Variants in OSBPL10 observed in about 807,000 individuals in gnomAD.
The protein encoded by OSBPL10 is oxysterol-binding protein-related protein 10.
A neutral mutation model predicts 81.7 loss-of-function variants in OSBPL10; 49 were observed. The observed-to-expected ratio is 0.60, with a 90% CI of 0.48 to 0.76. OSBPL10 has a LOEUF of 0.76. OSBPL10 is among the 30% of genes least tolerant of loss of function. The pLI is 0.00. For synonymous variants in OSBPL10, 419 were observed against 383.6 expected (o/e 1.09, Z -1.08); for missense variants, 923 against 987.8 (o/e 0.93, Z 0.88).
intron 1 of OSBPL10, among the ~76,000 whole-genome samples, chr3:31,911,201 G>T (rs1696567116): frequency 6.6e-6 from 1 of 152,204 alleles, no homozygotes; most frequent in South Asian, 2.1e-4. Context: ...CAATATTTTA[G>T]CTTCAGTAGG....
At chr3:31,980,194 G>A (rs1254475509) in intron 1 of OSBPL10, among the ~76,000 whole-genome samples, 1 of 151,886 alleles carries the variant, frequency 6.6e-6, no homozygotes, top group African/African-American at 2.4e-5. Context: ...AGTAGAGACG[G>A]GTTTTCACCA....
chr3:31,718,636 A>G (rs1272030230), intron 6 of OSBPL10: 1 of 152,190 alleles, frequency 6.6e-6, no homozygotes, highest in Non-Finnish European at 1.5e-5. Context: ...AGTATGTAAC[A>G]CTTTATTGGA....
chr3:32,025,654 G>C (rs1699395841), intron 2 of OSBPL10, among the ~76,000 whole-genome samples: 1 of 152,148 alleles, frequency 6.6e-6, no homozygotes, highest in African/African-American at 2.4e-5. Flanking sequence ...TGGGAAGCCA[G>C]TTCAATTTCT....
At chr3:31,785,491 T>C (rs532454347) in intron 4 of OSBPL10, among the ~76,000 whole-genome samples, 44 of 152,240 alleles carry the variant, frequency 2.9e-4, no homozygotes, top group African/African-American at 9.9e-4. Context: ...CTGGAATCCA[T>C]CTGTCTTAAA....
chr3:32,074,243 C>A (rs1699855871), intron 1 of OSBPL10, among the ~76,000 whole-genome samples: 1 of 152,126 alleles, frequency 6.6e-6, no homozygotes, highest in Non-Finnish European at 1.5e-5. Flanking sequence ...CATCAATAAG[C>A]TGTCACACTT....
chr3:31,717,557 G>A (rs1174270262), intron 6 of OSBPL10, among the ~76,000 whole-genome samples: 2 of 152,068 alleles, frequency 1.3e-5, no homozygotes, highest in African/African-American at 4.8e-5. Flanking sequence ...CCACAATGAG[G>A]AGGCACCAAT....
At position 31,937,145 on chromosome 3, in the gene OSBPL10, A is replaced by G. The variant is rs543886338; in HGVS notation, c.281+43754T>C. Among the ~76,000 whole-genome samples, 267 of 152,134 alleles carry G rather than the reference A, an allele frequency of 1.8e-3. 3 individuals carry two copies. Among genetic ancestry groups the G allele is most frequent in the Non-Finnish European group, 1.4e-3 (98 of 67,982 alleles). On this transcript the variant is annotated intron_variant, in intron 1 of 11. Coordinates refer to ENST00000396556, the MANE Select transcript of OSBPL10 (RefSeq NM_017784.5). Reference sequence around the variant, plus strand: ...TAAAAAGTACAAAAATTAGCTGGGCATGGTGGCATGTGCCTGTAGTCCCAG... The same window carrying G: ...TAAAAAGTACAAAAATTAGCTGGGCGTGGTGGCATGTGCCTGTAGTCCCAG...
chr3:31,760,706 C>T (rs916239034), intron 4 of OSBPL10, among the ~76,000 whole-genome samples: 70 of 152,238 alleles, frequency 4.6e-4, no homozygotes, highest in African/African-American at 1.7e-3. Flanking sequence ...ATGAAAATGG[C>T]TACAGGCCAT....
intron 3 of OSBPL10, among the ~76,000 whole-genome samples, chr3:31,833,712 C>T (rs1309107538): frequency 4.1e-5 from 6 of 145,634 alleles, no homozygotes; most frequent in African/African-American, 1.7e-4. Context: ...CACGCACACA[C>T]ACACACACAC....
At chr3:32,069,997 T>C (rs942171982) in intron 1 of OSBPL10, among the ~76,000 whole-genome samples, 1 of 152,190 alleles carries the variant, frequency 6.6e-6, no homozygotes, top group Admixed American at 6.5e-5. Context: ...CGCCGCTGCT[T>C]CTAAAGCCTC....
chr3:32,031,636 T>C (rs1699470387), intron 2 of OSBPL10, among the ~76,000 whole-genome samples: 1 of 152,106 alleles, frequency 6.6e-6, no homozygotes, highest in Admixed American at 6.6e-5. Flanking sequence ...GTATTTTTAG[T>C]AGAGATGGGA....
At chr3:31,751,681 C>T (rs1697725280) in intron 4 of OSBPL10, among the ~76,000 whole-genome samples, 1 of 152,164 alleles carries the variant, frequency 6.6e-6, no homozygotes, top group South Asian at 2.1e-4. Context: ...TGACTTCTTT[C>T]TTGAGAAACT....
chr3:31,664,838 T>C (rs762473706), intron 10 of OSBPL10, among the ~76,000 whole-genome samples: 5 of 151,884 alleles, frequency 3.3e-5, no homozygotes, highest in Admixed American at 1.3e-4. Flanking sequence ...TCTCCCCCCA[T>C]GTCTACACAA....
intron 4 of OSBPL10, among the ~76,000 whole-genome samples, chr3:31,754,219 T>A (rs763414897): frequency 6.6e-6 from 1 of 152,172 alleles, no homozygotes. Flanking sequence ...CTGCTCCTCA[T>A]ACCCACAAAC....
At chr3:32,020,352 C>T (rs1699349597) in intron 2 of OSBPL10, among the ~76,000 whole-genome samples, 2 of 152,208 alleles carry the variant, frequency 1.3e-5, no homozygotes, top group Non-Finnish European at 2.9e-5. Context: ...CTTTCTCTTT[C>T]TCTAAATTTG....
chr3:31,870,304 C>T (rs901778404), intron 3 of OSBPL10, among the ~76,000 whole-genome samples: 1 of 152,244 alleles, frequency 6.6e-6, no homozygotes. Context: ...CCAGCAGTCC[C>T]GGCCCACTGG....
chr3:31,981,093 G>A lies in OSBPL10; in HGVS notation c.87C>T (p.Ser29=), dbSNP rs1698828331. The A allele has an allele frequency of 2.0e-6, 3 of 1,492,866 alleles. No homozygotes were observed. Among genetic ancestry groups the A allele is most frequent in the Non-Finnish European group, 2.7e-6 (3 of 1,125,952 alleles). 92.5% of individuals were successfully genotyped at this position (1,492,866 alleles called of 1,614,324 possible). A position where few individuals can be genotyped will look rare whatever the true frequency, so the allele number is the denominator to read the frequency against. ...RSSSRATSAG[S]SPSCSLAGRG... ...GGCCCGCCAGAGAGCAGGAGGGCGA[G>A]GAGCCCGCCGAGGTAGCACGGCTGC... The change falls in exon 1 of 12, where the codon TCC becomes TCT. Residue 29 remains serine, a synonymous_variant. Transcript: ENST00000396556. The surrounding 1 kb of genome is among the most constrained non-coding windows in gnomAD (Gnocchi z 4.5).
At position 31,879,797 on chromosome 3, in the gene OSBPL10, C is replaced by T. The variant is rs563892571; in HGVS notation, c.315G>A (p.Leu105=). 2 of 1,613,958 alleles carry T rather than the reference C, an allele frequency of 1.2e-6. No individual in the cohort carries two copies. Among genetic ancestry groups the T allele is most frequent in the Non-Finnish European group, 1.7e-6 (2 of 1,180,010 alleles). ...TGCTTTGCTCATTCACAAAATACTG[C>T]AGGATGCCAGCCTCGAAATCCAGTA... is the stretch of plus-strand genomic sequence containing the variant. The part of the protein sequence containing the change: ...YFVLDFEAGI[L]QYFVNEQSKH... The change falls in exon 2 of 12, where the codon CTG becomes CTA. Residue 105 remains leucine, a synonymous_variant. Transcript: ENST00000396556.
intron 2 of OSBPL10, among the ~76,000 whole-genome samples, chr3:32,015,756 A>G (rs1699307535): frequency 1.3e-5 from 2 of 152,228 alleles, no homozygotes; most frequent in South Asian, 4.1e-4. Flanking sequence ...ATTTACAAGA[A>G]AAAAACAACC....
Sources: allele counts gnomAD v4.1 joint callset (sites outside exome capture counted in the v4.1 genomes callset), GRCh38; gene constraint gnomAD v4.1.1; non-coding constraint Gnocchi (gnomAD v3.1); transcripts MANE v1.5; gene names NCBI Gene and HGNC (gene_info 2026-07-23, HGNC 2026-07-21).